The following DAB1 variants were observed in gnomAD, a reference collection of about 807,000 sequenced individuals.
DAB1 encodes DAB adaptor protein 1.
DAB1 carries 15 observed loss-of-function variants against 64.6 expected under a neutral mutation model. The observed-to-expected ratio is 0.23, with a 90% CI of 0.16 to 0.36. DAB1 has a LOEUF of 0.36. DAB1 is among the 10% of genes least tolerant of loss of function. The probability of loss-of-function intolerance (pLI) is 1.00; values close to 1 mark genes in which losing one functional copy is unlikely to be tolerated. For synonymous variants in DAB1, 235 were observed against 251.9 expected (o/e 0.93, Z 0.64); for missense variants, 596 against 706.7 (o/e 0.84, Z 1.78).
At chr1:58,211,453 C>T (rs1197066180) in intron 4 of DAB1, among the ~76,000 whole-genome samples, 2 of 152,172 alleles carry the variant, frequency 1.3e-5, no homozygotes, top group Non-Finnish European at 2.9e-5. Context: ...CTGCTCTTCA[C>T]TTTGTGAGTT....
intron 5 of DAB1, among the ~76,000 whole-genome samples, chr1:57,930,788 T>C (rs1644942981): frequency 1.3e-5 from 2 of 152,190 alleles, no homozygotes; most frequent in Non-Finnish European, 2.9e-5. Flanking sequence ...CTACATAGAT[T>C]ATTACATAAT....
chr1:57,223,626 C>T (rs1354749996), intron 2 of DAB1, among the ~76,000 whole-genome samples: 1 of 152,176 alleles, frequency 6.6e-6, no homozygotes, highest in Admixed American at 6.5e-5. Flanking sequence ...TGGGCAGGCA[C>T]TAGGTGGAAG....
chr1:57,488,766 C>CTAG (rs1644125707), intron 7 of DAB1, among the ~76,000 whole-genome samples: 1 of 152,042 alleles, frequency 6.6e-6, no homozygotes, highest in African/African-American at 2.4e-5. Context: ...ACATACATAG[C>CTAG]TAGACTCACC....
intron 5 of DAB1, among the ~76,000 whole-genome samples, chr1:58,100,107 C>A (rs1034934104): frequency 6.6e-6 from 1 of 152,054 alleles, no homozygotes; most frequent in African/African-American, 2.4e-5. Flanking sequence ...TAAAATTTAC[C>A]ATTTTAACAA....
intron 3 of DAB1, among the ~76,000 whole-genome samples, chr1:57,140,870 A>G (rs1658527749): frequency 6.6e-6 from 1 of 152,188 alleles, no homozygotes; most frequent in Non-Finnish European, 1.5e-5. Context: ...AAGGTCAGGC[A>G]TGCCAAGCAA....
chr1:58,352,271 G>A (rs545765475), intron 3 of DAB1, among the ~76,000 whole-genome samples: 11 of 152,104 alleles, frequency 7.2e-5, no homozygotes, highest in Admixed American at 1.3e-4. Flanking sequence ...CATAATGTAG[G>A]GAAATGGCAA....
At chr1:58,023,417 C>G (rs2100458960) in intron 5 of DAB1, among the ~76,000 whole-genome samples, 1 of 152,264 alleles carries the variant, frequency 6.6e-6, no homozygotes, top group Middle Eastern at 3.4e-3. Flanking sequence ...CTACTAGTGG[C>G]TGGCTGCATT....
intron 5 of DAB1, among the ~76,000 whole-genome samples, chr1:57,994,009 A>G (rs1201651821): frequency 1.3e-5 from 2 of 152,230 alleles, no homozygotes. Context: ...TCCTTATAAA[A>G]GCGTAGCCTG....
chr1:58,212,861 T>C (rs978250723), intron 4 of DAB1, among the ~76,000 whole-genome samples: 4 of 152,164 alleles, frequency 2.6e-5, no homozygotes, highest in South Asian at 2.1e-4. Flanking sequence ...TTAAAAACTT[T>C]TAGTTAAATA....
chr1:58,355,714 A>G (rs1000712531), intron 3 of DAB1, among the ~76,000 whole-genome samples: 2 of 152,154 alleles, frequency 1.3e-5, no homozygotes, highest in South Asian at 2.1e-4. Flanking sequence ...GGGTACAGGT[A>G]GAAATCGTAT....
At chr1:58,091,335 CTCTG>C (rs1650644316) in intron 5 of DAB1, among the ~76,000 whole-genome samples, 1 of 152,180 alleles carries the variant, frequency 6.6e-6, no homozygotes, top group Non-Finnish European at 1.5e-5. Context: ...GCCTTTGCTC[CTCTG>C]TCTAACCATG....
intron 7 of DAB1, among the ~76,000 whole-genome samples, chr1:57,480,644 C>A (rs1176322067): frequency 6.6e-6 from 1 of 152,070 alleles, no homozygotes; most frequent in Non-Finnish European, 1.5e-5. Flanking sequence ...GCCACCATGC[C>A]TGGCTAATTT....
At chr1:57,667,537 G>T (rs1477271718) in intron 6 of DAB1, among the ~76,000 whole-genome samples, 4 of 152,042 alleles carry the variant, frequency 2.6e-5, no homozygotes, top group Non-Finnish European at 4.4e-5. Context: ...CATGTCTCCA[G>T]AGACCACACC....
At chr1:57,457,424 A>T (rs1163315052) in intron 7 of DAB1, among the ~76,000 whole-genome samples, 2 of 152,180 alleles carry the variant, frequency 1.3e-5, no homozygotes, top group African/African-American at 4.8e-5. Flanking sequence ...ACATAGGCAA[A>T]CAGAATCAAT....
intron 7 of DAB1, among the ~76,000 whole-genome samples, chr1:57,451,675 T>A (rs1434823249): frequency 1.3e-5 from 2 of 152,210 alleles, no homozygotes; most frequent in Non-Finnish European, 2.9e-5. Flanking sequence ...GAGAGTTCAG[T>A]CTTAATTCAA....
At chr1:58,091,574 G>C (rs899763987) in intron 5 of DAB1, among the ~76,000 whole-genome samples, 1 of 152,140 alleles carries the variant, frequency 6.6e-6, no homozygotes, top group Non-Finnish European at 1.5e-5. Context: ...AGATCACAGA[G>C]ATGGCAAATC....
At chr1:57,596,468 T>C (rs1375524130) in intron 7 of DAB1, among the ~76,000 whole-genome samples, 4 of 151,784 alleles carry the variant, frequency 2.6e-5, no homozygotes, top group Non-Finnish European at 4.4e-5. Context: ...TTAATGGCTG[T>C]CTCTATTTAT....
At chr1:58,257,564 C>CTA (rs1660960609) in intron 4 of DAB1, among the ~76,000 whole-genome samples, 4 of 152,220 alleles carry the variant, frequency 2.6e-5, no homozygotes, top group Admixed American at 6.5e-5. Context: ...AAGGGAGGAC[C>CTA]TATCATTTAT....
chr1:58,249,056 G>A (rs1660680958), intron 4 of DAB1, among the ~76,000 whole-genome samples: 1 of 152,242 alleles, frequency 6.6e-6, no homozygotes, highest in Non-Finnish European at 1.5e-5. Flanking sequence ...CTCTGAAAGA[G>A]AGGAAAGGAG....
Sources: allele counts gnomAD v4.1 joint callset (sites outside exome capture counted in the v4.1 genomes callset), GRCh38; gene constraint gnomAD v4.1.1; transcripts MANE v1.5; gene names NCBI Gene and HGNC (gene_info 2026-07-23, HGNC 2026-07-21).